The following WWC2 variants were observed in gnomAD, a reference collection of about 807,000 sequenced individuals.
WWC2 encodes WW and C2 domain containing 2.
Under a neutral mutation model 138.5 loss-of-function variants are expected in WWC2, and 101 were observed. That is an observed-to-expected ratio of 0.73 (90% CI 0.62 to 0.86). The LOEUF is 0.86. Among genes scored for constraint, WWC2 ranks in the 40% least tolerant of loss-of-function variants. The pLI, the probability that WWC2 is intolerant of heterozygous loss-of-function variation, is 0.00. For synonymous variants in WWC2, 558 were observed against 538.4 expected (o/e 1.04, Z -0.50); for missense variants, 1,420 against 1,419.4 (o/e 1.00, Z -0.01).
intron 1 of WWC2, among the ~76,000 whole-genome samples, chr4:183,161,578 T>G (rs1347590318): frequency 2.6e-5 from 4 of 152,144 alleles, no homozygotes; most frequent in African/African-American, 7.2e-5. Context: ...ATAAGGACAT[T>G]TTGGTCAGGA....
chr4:183,122,965 A>G (rs894827983), intron 1 of WWC2, among the ~76,000 whole-genome samples: 10 of 152,238 alleles, frequency 6.6e-5, no homozygotes, highest in African/African-American at 2.4e-4. Context: ...TTAAACTGCA[A>G]TGAAAGACCA....
chr4:183,100,588 C>CTT (rs146320791), intron 1 of WWC2, among the ~76,000 whole-genome samples: 4,912 of 152,256 alleles, frequency 0.032, 94 homozygotes, highest in South Asian at 0.044. Context: ...AAAATTATAA[C>CTT]TTTATTGAAT....
chr4:183,117,212 CTTCTTTT>C (rs1333034631), intron 1 of WWC2, among the ~76,000 whole-genome samples: 16 of 138,004 alleles, frequency 1.2e-4, no homozygotes, highest in African/African-American at 4.4e-4. Context: ...CCACATTCTT[CTTCTTTT>C]TTTTTTTTTT....
intron 3 of WWC2, among the ~76,000 whole-genome samples, chr4:183,208,582 G>T (rs1365837261): frequency 6.6e-6 from 1 of 152,154 alleles, no homozygotes; most frequent in Non-Finnish European, 1.5e-5. Context: ...ACTATTTGGA[G>T]CTGGCTTTGT....
At chr4:183,169,666 T>C (rs895873957) in intron 1 of WWC2, among the ~76,000 whole-genome samples, 1 of 152,072 alleles carries the variant, frequency 6.6e-6, no homozygotes, top group African/African-American at 2.4e-5. Context: ...ACCTAAATAA[T>C]AGGGTGAATA....
intron 1 of WWC2, among the ~76,000 whole-genome samples, chr4:183,140,841 A>G (rs1362899125): frequency 1.3e-5 from 2 of 152,138 alleles, no homozygotes; most frequent in East Asian, 1.9e-4. Flanking sequence ...CAGACACTCA[A>G]TTAAGAGCAT....
At chr4:183,243,575 A>G (rs1191063417) in intron 5 of WWC2, among the ~76,000 whole-genome samples, 1 of 152,186 alleles carries the variant, frequency 6.6e-6, no homozygotes, top group South Asian at 2.1e-4. Flanking sequence ...TGTGGTAGTC[A>G]TAAGAGCCCC....
At chr4:183,176,828 C>G (rs1297866227) in intron 1 of WWC2, among the ~76,000 whole-genome samples, 1 of 152,148 alleles carries the variant, frequency 6.6e-6, no homozygotes, top group East Asian at 1.9e-4. Flanking sequence ...TGGCAAATGG[C>G]AGCTGCAGCC....
At position 183,312,457 on chromosome 4, in the gene WWC2, G is replaced by T. The variant is rs1469680678; in HGVS notation, c.3501G>T (p.Val1167=). The change falls in exon 22 of 23, where the codon GTG becomes GTT. Residue 1167 remains valine (V), a synonymous_variant. Coordinates refer to ENST00000403733, the MANE Select transcript of WWC2 (RefSeq NM_024949.6). ...AGAGCCAGAAGGTGCCTCGGCAGGT[G>T]CAGTCCTTCAGGTGAATAGCCCCAT... The part of the protein sequence containing the change: ...REQSQKVPRQ[V]QSFREKIAYF... 6.2e-7 allele frequency: 1 copy of T among 1,613,684 alleles called. No individual in the cohort carries two copies. The highest frequency in any genetic ancestry group is 2.2e-5 in the East Asian group (1 of 44,870).
At chr4:183,190,245 C>G (rs1228701774) in intron 1 of WWC2, among the ~76,000 whole-genome samples, 1 of 152,122 alleles carries the variant, frequency 6.6e-6, no homozygotes, top group Non-Finnish European at 1.5e-5. Flanking sequence ...GACTTAACAT[C>G]AAAGAAAGCT....
chr4:183,265,855 CT>C lies in WWC2; in HGVS notation c.2121-6del. On this transcript the variant is annotated splice_polypyrimidine_tract_variant and intron_variant, in intron 13 of 22. Coordinates refer to ENST00000403733, the MANE Select transcript of WWC2 (RefSeq NM_024949.6). ...TGATTCCTGACTTCATTTAGCCTCT[CT>C]TTTGACAGATACAATGCAAAAAGTT... The C allele has an allele frequency of 6.2e-7, 1 of 1,612,092 alleles. No homozygotes were observed. The highest frequency in any genetic ancestry group is 1.1e-5 in the South Asian group (1 of 90,548).
At position 183,229,150 on chromosome 4, in the gene WWC2, C is replaced by A. The variant is rs375208251; in HGVS notation, c.523-11033C>A. ...GCTGTTGGCCATTACCTGGCTGTTG[C>A]TACTTCGAGGACACTCGCTGAGTTG... On this transcript the variant is annotated intron_variant, in intron 4 of 22. Coordinates refer to ENST00000403733, the MANE Select transcript of WWC2 (RefSeq NM_024949.6). 4.6e-5 allele frequency among the ~76,000 whole-genome samples: 7 copies of A among 152,044 alleles called. No homozygotes were observed. In the East Asian group the frequency reaches 7.7e-4, roughly 17 times the overall value.
intron 1 of WWC2, among the ~76,000 whole-genome samples, chr4:183,141,119 A>G (rs1733287057): frequency 6.6e-6 from 1 of 152,244 alleles, no homozygotes; most frequent in Non-Finnish European, 1.5e-5. Context: ...TTCTCCAGGT[A>G]TTAGTCAGCT....
chr4:183,283,048 A>C (rs950691649), intron 18 of WWC2, 142 bp downstream of exon 18: 1 of 793,096 alleles, frequency 1.3e-6, no homozygotes, highest in African/African-American at 1.7e-5. Context: ...ATATGTGGGA[A>C]TAGGCTCTAA....
intron 2 of WWC2, among the ~76,000 whole-genome samples, chr4:183,202,985 A>T (rs1179493352): frequency 6.6e-6 from 1 of 152,212 alleles, no homozygotes; most frequent in Non-Finnish European, 1.5e-5. Context: ...TTTATTAAGG[A>T]GGAAATTGAA....
At chr4:183,315,620 T>C in intron 22 of WWC2, 43 bp from the exon 23 acceptor site, 1 of 1,521,696 alleles carries the variant, frequency 6.6e-7, no homozygotes, top group South Asian at 1.2e-5. Flanking sequence ...AGAGTATTTT[T>C]AGCATCATAT....
At chr4:183,225,357 T>C (rs75332864) in intron 4 of WWC2, among the ~76,000 whole-genome samples, 1 of 152,234 alleles carries the variant, frequency 6.6e-6, no homozygotes, top group Admixed American at 6.5e-5. Context: ...TAGCACTTTT[T>C]ATGATTAGAA....
chr4:183,127,860 A>T (rs1488496231), intron 1 of WWC2, among the ~76,000 whole-genome samples: 1 of 152,174 alleles, frequency 6.6e-6, no homozygotes, highest in Non-Finnish European at 1.5e-5. Flanking sequence ...ATTATATAAG[A>T]GCTTTTTACA....
intron 1 of WWC2, among the ~76,000 whole-genome samples, chr4:183,127,995 A>T (rs1329912169): frequency 1.3e-5 from 2 of 151,680 alleles, no homozygotes; most frequent in African/African-American, 4.8e-5. Context: ...GGGTCTTGGG[A>T]CTAGGAGTTC....
Sources: allele counts gnomAD v4.1 joint callset (sites outside exome capture counted in the v4.1 genomes callset), GRCh38; gene constraint gnomAD v4.1.1; transcripts MANE v1.5; gene names NCBI Gene and HGNC (gene_info 2026-07-23, HGNC 2026-07-21).